Variants in SKIC3 observed in about 807,000 individuals in gnomAD.
SKIC3 encodes the protein SKI3 subunit of superkiller complex, also known as superkiller complex protein 3.
the SKIC3 span, among the ~76,000 whole-genome samples, chr5:95,538,419 C>T: frequency 6.6e-6 from 1 of 152,084 alleles, no homozygotes; most frequent in African/African-American, 2.4e-5. Context: ...CCCTGCCTGA[C>T]ACATAATAGG....
chr5:95,504,861 C>T, the SKIC3 span, among the ~76,000 whole-genome samples: 4 of 151,984 alleles, frequency 2.6e-5, no homozygotes, highest in East Asian at 1.9e-4. Flanking sequence ...AAAAATTACC[C>T]GGGCATGGTG....
the SKIC3 span, among the ~76,000 whole-genome samples, chr5:95,470,718 A>G: frequency 6.6e-6 from 1 of 152,138 alleles, no homozygotes; most frequent in Non-Finnish European, 1.5e-5. Flanking sequence ...AAAACTTTTT[A>G]AAAATTTTAC....
At chr5:95,473,104 T>A in the SKIC3 span, among the ~76,000 whole-genome samples, 2 of 152,190 alleles carry the variant, frequency 1.3e-5, no homozygotes, top group Admixed American at 6.5e-5. Context: ...GATGATCTAT[T>A]TTCCTTTGAG....
the SKIC3 span, among the ~76,000 whole-genome samples, chr5:95,538,986 T>G: frequency 2.7e-4 from 41 of 152,168 alleles, no homozygotes; most frequent in African/African-American, 9.7e-4. Context: ...GTATTGCAGA[T>G]TCTTATGAAC....
the SKIC3 span, chr5:95,513,440 G>T: frequency 1.0e-6 from 1 of 987,730 alleles, no homozygotes; most frequent in Non-Finnish European, 1.6e-6. Context: ...CAATCCTCCT[G>T]CCTTGGCATC....
At chr5:95,532,821 T>C in the SKIC3 span, among the ~76,000 whole-genome samples, 1 of 152,074 alleles carries the variant, frequency 6.6e-6, no homozygotes, top group Non-Finnish European at 1.5e-5. Flanking sequence ...TCTGAAGAGG[T>C]CCGTGTTGGA....
At chr5:95,520,623 C>T in the SKIC3 span, 152 of 941,654 alleles carry the variant, frequency 1.6e-4, no homozygotes, top group Non-Finnish European at 2.1e-4. Flanking sequence ...TGAGCAATTG[C>T]TATATCTAGC....
chr5:95,536,248 G>A, the SKIC3 span, among the ~76,000 whole-genome samples: 1 of 152,112 alleles, frequency 6.6e-6, no homozygotes, highest in African/African-American at 2.4e-5. Flanking sequence ...CATTAAAAAA[G>A]GAGATTCAGG....
At chr5:95,488,282 T>G in the SKIC3 span, among the ~76,000 whole-genome samples, 1 of 152,074 alleles carries the variant, frequency 6.6e-6, no homozygotes, top group Non-Finnish European at 1.5e-5. Context: ...TAGATGAAAA[T>G]ATCCCAATTC....
the SKIC3 span, chr5:95,478,326 C>A: frequency 6.2e-7 from 1 of 1,613,948 alleles, no homozygotes; most frequent in Non-Finnish European, 8.5e-7. Flanking sequence ...CTAGTCTCAA[C>A]AGACTTGAGA....
the SKIC3 span, chr5:95,543,110 G>A: frequency 1.3e-6 from 2 of 1,558,214 alleles, no homozygotes; most frequent in Non-Finnish European, 8.8e-7. Flanking sequence ...TTAGTTTAAT[G>A]TTGAAACCTG....
At chr5:95,489,520 T>TAAAAAAAAAAAAAAAAAAGA in the SKIC3 span, among the ~76,000 whole-genome samples, 1 of 116,654 alleles carries the variant, frequency 8.6e-6, no homozygotes, top group African/African-American at 2.9e-5. Flanking sequence ...GGCAACCAGT[T>TAAAAAAAAAAAAAAAAAAGA]AAAAAAAAAA....
chr5:95,504,942 T>A, the SKIC3 span, among the ~76,000 whole-genome samples: 5 of 151,748 alleles, frequency 3.3e-5, no homozygotes, highest in East Asian at 9.7e-4. Flanking sequence ...GAGGCGGAGG[T>A]TGCAATGAGC....
the SKIC3 span, among the ~76,000 whole-genome samples, chr5:95,544,752 G>A: frequency 7.3e-4 from 111 of 152,254 alleles, no homozygotes; most frequent in Middle Eastern, 3.4e-3. Context: ...CTGATGACCA[G>A]GTTTTCAGAA....
chr5:95,524,413 T>C, the SKIC3 span: 2 of 1,607,298 alleles, frequency 1.2e-6, no homozygotes, highest in Non-Finnish European at 1.7e-6. Flanking sequence ...TTATTATTTA[T>C]GATTTTATAA....
chr5:95,464,526 G>T, the SKIC3 span: 2 of 1,074,780 alleles, frequency 1.9e-6, no homozygotes, highest in East Asian at 2.6e-5. Flanking sequence ...TTAAAAAAAT[G>T]TTGCTTTGGG....
At chr5:95,526,839 G>A in the SKIC3 span, among the ~76,000 whole-genome samples, 1 of 152,082 alleles carries the variant, frequency 6.6e-6, no homozygotes, top group African/African-American at 2.4e-5. Flanking sequence ...ATTGCAAAAT[G>A]GTGATTTTCT....
the SKIC3 span, chr5:95,469,854 G>A: frequency 1.9e-6 from 3 of 1,614,004 alleles, no homozygotes; most frequent in African/African-American, 4.0e-5. Flanking sequence ...AAAGCTTCAA[G>A]GCCTCAGTTG....
the SKIC3 span, among the ~76,000 whole-genome samples, chr5:95,502,531 A>T: frequency 6.6e-6 from 1 of 152,264 alleles, no homozygotes; most frequent in Non-Finnish European, 1.5e-5. Flanking sequence ...AAAGGAAAGA[A>T]GAAAATATCT....
Sources: allele counts gnomAD v4.1 joint callset (sites outside exome capture counted in the v4.1 genomes callset), GRCh38; gene constraint gnomAD v4.1.1; transcripts MANE v1.5; gene names NCBI Gene and HGNC (gene_info 2026-07-23, HGNC 2026-07-21).